Variants in ARID1B observed in about 807,000 individuals in gnomAD.
The protein encoded by ARID1B is AT-rich interactive domain-containing protein 1B.
A neutral mutation model predicts 212.3 loss-of-function variants in ARID1B; 30 were observed. The ratio of observed to expected loss-of-function variants is 0.14; its 90% CI spans 0.11 to 0.19. The LOEUF is 0.19. ARID1B is among the 10% of genes least tolerant of loss of function. The pLI is 1.00. For missense variants in ARID1B, 2,891 were observed against 3,204.0 expected, an observed-to-expected ratio of 0.90 and a Z score of 2.36; for synonymous variants, 1,402 against 1,301.7, an observed-to-expected ratio of 1.08 and a Z score of -1.66.
At chr6:156,856,700 T>TCACACACACACA (rs141705209) in intron 2 of ARID1B, among the ~76,000 whole-genome samples, 1 of 114,648 alleles carries the variant, frequency 8.7e-6, no homozygotes, top group Non-Finnish European at 1.8e-5. Flanking sequence ...TCTCTCTCTC[T>TCACACACACACA]CACACACACA....
intron 4 of ARID1B, chr6:157,072,341 A>G (rs1470868955): frequency 1.3e-5 from 2 of 152,234 alleles, no homozygotes; most frequent in African/African-American, 4.8e-5. Flanking sequence ...TCTCAAGTAC[A>G]AAGAAGGAAG....
At chr6:157,029,218 CAT>C (rs1263497333) in intron 4 of ARID1B, among the ~76,000 whole-genome samples, 2 of 152,292 alleles carry the variant, frequency 1.3e-5, no homozygotes, top group East Asian at 1.9e-4. Flanking sequence ...TAGTAACAGT[CAT>C]GTGTAATGCA....
chr6:156,998,558 A>T (rs930037903), intron 4 of ARID1B, among the ~76,000 whole-genome samples: 1 of 152,146 alleles, frequency 6.6e-6, no homozygotes, highest in Non-Finnish European at 1.5e-5. Context: ...GAAAAGTTCC[A>T]AGAGGTGGAA....
chr6:156,910,562 T>C (rs1384456705), intron 3 of ARID1B, among the ~76,000 whole-genome samples: 1 of 152,222 alleles, frequency 6.6e-6, no homozygotes, highest in Non-Finnish European at 1.5e-5. Context: ...TTGGTTTCTC[T>C]GTTCTCGGTC....
Position 156,862,582 on chromosome 6 carries a change from C to T in ARID1B, c.1986+33161C>T, listed in dbSNP as rs140141042. On this transcript the variant is annotated intron_variant, in intron 2 of 19. Coordinates refer to ENST00000636930, the MANE Select transcript of ARID1B (RefSeq NM_001374828.1). ...CAGTGGCCAGCACCGCCATGCACTACAGAAGGTCAGGGAGAAATAAGGATT... is the reference window on the plus strand; with the variant it reads ...CAGTGGCCAGCACCGCCATGCACTATAGAAGGTCAGGGAGAAATAAGGATT... 3.0e-3 allele frequency among the ~76,000 whole-genome samples: 453 copies of T among 152,330 alleles called. 3 individuals carry two copies. The highest frequency in any genetic ancestry group is 0.01 in the African/African-American group (418 of 41,568).
chr6:157,164,010 C>A (rs1008776097), intron 8 of ARID1B, among the ~76,000 whole-genome samples: 1 of 152,216 alleles, frequency 6.6e-6, no homozygotes, highest in Non-Finnish European at 1.5e-5. Context: ...GAGCATAATT[C>A]CACCTACCTT....
chr6:157,108,773 T>C lies in ARID1B; in HGVS notation c.2492-1699T>C, dbSNP rs59537572. ...GAAACCAAATGGATACTTAACGAAG[T>C]CTATGCTGTTTGTCCAGGTCTTTTA... On this transcript the variant is annotated intron_variant, in intron 5 of 19. Coordinates refer to ENST00000636930, the MANE Select transcript of ARID1B (RefSeq NM_001374828.1). Among the ~76,000 whole-genome samples the C allele has an allele frequency of 5.5e-3, 832 of 152,328 alleles. 11 individuals carry two copies. The highest frequency in any genetic ancestry group is 0.018 in the African/African-American group (766 of 41,566).
At chr6:157,173,917 C>A in intron 9 of ARID1B, 91 bp from the exon 10 acceptor site, 1 of 1,084,104 alleles carries the variant, frequency 9.2e-7, no homozygotes, top group Non-Finnish European at 1.4e-6. Context: ...ATGCAAGGGC[C>A]TCCTGCTTCA....
chr6:156,954,054 A>G (rs1793779589), intron 4 of ARID1B, among the ~76,000 whole-genome samples: 1 of 151,990 alleles, frequency 6.6e-6, no homozygotes, highest in Non-Finnish European at 1.5e-5. Flanking sequence ...TGCTTGTAAC[A>G]TTTTATAGGC....
At chr6:157,081,319 C>T (rs1175338650) in intron 4 of ARID1B, among the ~76,000 whole-genome samples, 2 of 152,154 alleles carry the variant, frequency 1.3e-5, no homozygotes, top group South Asian at 2.1e-4. Context: ...CTAAATTGTC[C>T]TCTAGAGGAG....
intron 2 of ARID1B, among the ~76,000 whole-genome samples, chr6:156,833,896 C>G (rs1186397649): frequency 1.3e-5 from 2 of 152,142 alleles, no homozygotes; most frequent in Admixed American, 1.3e-4. Flanking sequence ...AGCCAAAACA[C>G]TTCTTCCAAT....
Position 157,091,224 on chromosome 6 carries a change from C to T in ARID1B, c.2491+6319C>T, listed in dbSNP as rs558535410. Among the ~76,000 whole-genome samples the T allele has an allele frequency of 4.5e-4, 68 of 152,270 alleles. No individual in the cohort carries two copies. The South Asian group carries it at 4.6e-3, about 10-fold the overall frequency. On this transcript the variant is annotated intron_variant, in intron 5 of 19. Transcript: ENST00000636930. ...CGAGAGATGCATCCAGCATACCAAC[C>T]AGCCATAATGAATCTGTGCCCCTCA...
At chr6:157,007,878 G>A (rs762820564) in intron 4 of ARID1B, among the ~76,000 whole-genome samples, 8 of 151,882 alleles carry the variant, frequency 5.3e-5, no homozygotes, top group Non-Finnish European at 1.0e-4. Flanking sequence ...GGGTTTCACC[G>A]TGTTAGCCAG....
intron 5 of ARID1B, among the ~76,000 whole-genome samples, chr6:157,085,493 T>C (rs1248607439): frequency 6.6e-6 from 1 of 152,192 alleles, no homozygotes; most frequent in Non-Finnish European, 1.5e-5. Context: ...CGCCTCTATC[T>C]TCTCCCTTTA....
At chr6:156,806,624 C>G (rs1253020534) in intron 1 of ARID1B, among the ~76,000 whole-genome samples, 1 of 152,176 alleles carries the variant, frequency 6.6e-6, no homozygotes, top group Non-Finnish European at 1.5e-5. Flanking sequence ...TGTGCTGAAG[C>G]AGAAGCACAG....
At chr6:157,178,528 T>G (rs1792271500) in intron 11 of ARID1B, among the ~76,000 whole-genome samples, 1 of 152,220 alleles carries the variant, frequency 6.6e-6, no homozygotes, top group Non-Finnish European at 1.5e-5. Context: ...GGAGGCCTCT[T>G]CCGAATTTAT....
chr6:157,074,062 A>G (rs373642702), intron 4 of ARID1B, among the ~76,000 whole-genome samples: 62 of 152,316 alleles, frequency 4.1e-4, no homozygotes, highest in Admixed American at 1.9e-3. Context: ...CCATCCCCCA[A>G]AACAAAAAGA....
intron 4 of ARID1B, among the ~76,000 whole-genome samples, chr6:156,983,250 C>G (rs1012858221): frequency 6.6e-6 from 1 of 151,152 alleles, no homozygotes; most frequent in African/African-American, 2.4e-5. Context: ...CAAAATTTAG[C>G]CAGGCTTGGT....
At chr6:156,876,769 C>T (rs1470804191) in intron 2 of ARID1B, among the ~76,000 whole-genome samples, 2 of 152,240 alleles carry the variant, frequency 1.3e-5, no homozygotes, top group African/African-American at 4.8e-5. Flanking sequence ...ACCAGTGTAT[C>T]TGCCAGTTAT....
Sources: gnomAD v4.1 joint callset for allele counts (sites outside exome capture counted in the v4.1 genomes callset) on GRCh38, gnomAD v4.1.1 for gene constraint, MANE v1.5 for transcripts, NCBI Gene and HGNC (gene_info 2026-07-23, HGNC 2026-07-21) for gene names.